Variants in LUZP2 observed in about 807,000 individuals in gnomAD.
The protein encoded by LUZP2 is leucine zipper protein 2.
Under a neutral mutation model 51.6 loss-of-function variants are expected in LUZP2, and 52 were observed. That is an observed-to-expected ratio of 1.01 (90% CI 0.81 to 1.27). The LOEUF is 1.27. Among genes scored for constraint, LUZP2 ranks in the 50% most tolerant of loss-of-function variants. The probability of loss-of-function intolerance (pLI) is 0.00; values close to 1 mark genes in which losing one functional copy is unlikely to be tolerated. For synonymous variants in LUZP2, 154 were observed against 137.3 expected, an observed-to-expected ratio of 1.12 and a Z score of -0.85; for missense variants, 436 against 395.4, an observed-to-expected ratio of 1.10 and a Z score of -0.87.
At chr11:24,891,820 T>A in intron 5 of LUZP2, 1 of 978,014 alleles carries the variant, frequency 1.0e-6, no homozygotes, top group Non-Finnish European at 1.2e-6. Flanking sequence ...CAAATTGGGA[T>A]ACGCTGCAAC....
chr11:24,718,131 T>A (rs370549194), intron 1 of LUZP2, among the ~76,000 whole-genome samples: 1 of 152,190 alleles, frequency 6.6e-6, no homozygotes, highest in African/African-American at 2.4e-5. Context: ...TATCAAAAAC[T>A]GGCTGTGGGG....
At chr11:24,951,124 C>T (rs1029848119) in intron 7 of LUZP2, among the ~76,000 whole-genome samples, 1 of 151,464 alleles carries the variant, frequency 6.6e-6, no homozygotes, top group Admixed American at 6.6e-5. Flanking sequence ...ATAAAATGTA[C>T]ATTATCTTAT....
intron 1 of LUZP2, among the ~76,000 whole-genome samples, chr11:24,538,509 CA>C (rs950703182): frequency 2.0e-5 from 3 of 151,624 alleles, no homozygotes; most frequent in Non-Finnish European, 4.4e-5. Flanking sequence ...CTAAATTGTA[CA>C]CCTTAAATAT....
intron 1 of LUZP2, among the ~76,000 whole-genome samples, chr11:24,720,649 T>C (rs1437689123): frequency 6.6e-6 from 1 of 152,076 alleles, no homozygotes; most frequent in Non-Finnish European, 1.5e-5. Context: ...TTACTGCAAG[T>C]GTTTCTGCTT....
intron 1 of LUZP2, among the ~76,000 whole-genome samples, chr11:24,642,003 C>T (rs1009928920): frequency 2.0e-5 from 3 of 151,828 alleles, no homozygotes; most frequent in African/African-American, 7.3e-5. Context: ...GATTCTCCTG[C>T]CTCAGCTTCC....
intron 4 of LUZP2, among the ~76,000 whole-genome samples, chr11:24,746,560 T>C (rs1201443112): frequency 6.6e-6 from 1 of 152,190 alleles, no homozygotes; most frequent in Non-Finnish European, 1.5e-5. Context: ...TGAATTTCCC[T>C]GTGTTCTTTG....
chr11:25,001,036 G>C (rs1856668628), intron 9 of LUZP2, among the ~76,000 whole-genome samples: 1 of 152,154 alleles, frequency 6.6e-6, no homozygotes, highest in East Asian at 1.9e-4. Context: ...TGATGGACTT[G>C]AGCTTTGAGG....
intron 9 of LUZP2, among the ~76,000 whole-genome samples, chr11:25,039,008 A>G (rs1041101908): frequency 1.3e-5 from 2 of 152,208 alleles, no homozygotes; most frequent in African/African-American, 4.8e-5. Context: ...GCATCTTTGC[A>G]TATCCTCACA....
At chr11:24,890,751 T>C (rs1852825576) in intron 5 of LUZP2, among the ~76,000 whole-genome samples, 1 of 152,158 alleles carries the variant, frequency 6.6e-6, no homozygotes, top group South Asian at 2.1e-4. Context: ...GAGTCACATG[T>C]TTAATAATGC....
intron 1 of LUZP2, among the ~76,000 whole-genome samples, chr11:24,545,129 T>A (rs558753405): frequency 2.0e-5 from 3 of 151,912 alleles, no homozygotes; most frequent in Admixed American, 1.3e-4. Context: ...TCTTTAATTT[T>A]TTTTTTCTTG....
intron 6 of LUZP2, among the ~76,000 whole-genome samples, chr11:24,912,468 A>T (rs1853663983): frequency 6.6e-6 from 1 of 152,080 alleles, no homozygotes; most frequent in African/African-American, 2.4e-5. Flanking sequence ...TTATTGTGCC[A>T]TTATAACACA....
At chr11:24,962,990 G>A (rs11028304) in intron 7 of LUZP2, among the ~76,000 whole-genome samples, 139 of 152,114 alleles carry the variant, frequency 9.1e-4, no homozygotes, top group African/African-American at 2.5e-3. Flanking sequence ...TGACAGGACC[G>A]TCAGCTGCAG....
chr11:24,518,490 T>A (rs1206775104), intron 1 of LUZP2, among the ~76,000 whole-genome samples: 1 of 152,212 alleles, frequency 6.6e-6, no homozygotes, highest in Admixed American at 6.5e-5. Context: ...AATTTCTTCC[T>A]CCTTTTTAAA....
chr11:24,729,278 A>T lies in LUZP2; in HGVS notation c.172A>T (p.Asn58Tyr). ...AAGAGAACTTGATGGAATTAAAGTC[A>T]ATCTTCAGGTGAGATGAGAACTCAT... ...TSRELDGIKV[N>Y]LQSLKNDEQS... The change falls in exon 2 of 12, where the codon AAT becomes TAT. Residue 58 changes from asparagine (N) to tyrosine (Y), a missense_variant. Physicochemically the swap from Asn to Tyr is moderately radical, Grantham distance 143. Coordinates refer to ENST00000336930, the MANE Select transcript of LUZP2 (RefSeq NM_001009909.4). 1 of 1,531,908 alleles carries T rather than the reference A, an allele frequency of 6.5e-7. No individual in the cohort carries two copies. The highest frequency in any genetic ancestry group is 1.4e-5 in the African/African-American group (1 of 72,594). 94.9% of individuals were successfully genotyped at this position (1,531,908 alleles called of 1,614,324 possible).
intron 7 of LUZP2, among the ~76,000 whole-genome samples, chr11:24,932,557 A>T (rs1171353817): frequency 2.6e-5 from 4 of 152,130 alleles, no homozygotes; most frequent in Admixed American, 2.6e-4. Flanking sequence ...CTATGCTGTC[A>T]TGCAGGCTGC....
intron 1 of LUZP2, among the ~76,000 whole-genome samples, chr11:24,565,166 T>A (rs1289776804): frequency 6.6e-6 from 1 of 152,174 alleles, no homozygotes; most frequent in Admixed American, 6.6e-5. Context: ...CAGTTGAACA[T>A]GAGGAAGGCT....
chr11:24,546,495 T>G, intron 1 of LUZP2, among the ~76,000 whole-genome samples: 1 of 152,104 alleles, frequency 6.6e-6, no homozygotes, highest in Non-Finnish European at 1.5e-5. Context: ...AAATGAATTT[T>G]ATCAAAAGCT....
intron 5 of LUZP2, among the ~76,000 whole-genome samples, chr11:24,896,872 G>T (rs1439387575): frequency 6.6e-6 from 1 of 152,202 alleles, no homozygotes; most frequent in Non-Finnish European, 1.5e-5. Context: ...TCAGCACTCT[G>T]TATCTAGCTA....
intron 2 of LUZP2, among the ~76,000 whole-genome samples, chr11:24,729,745 T>C (rs963208949): frequency 2.6e-5 from 4 of 151,918 alleles, no homozygotes; most frequent in Non-Finnish European, 4.4e-5. Flanking sequence ...CTGAAATCTT[T>C]AAAAAATTCT....
Sources: gnomAD v4.1 joint callset for allele counts (sites outside exome capture counted in the v4.1 genomes callset) on GRCh38, gnomAD v4.1.1 for gene constraint, MANE v1.5 for transcripts, NCBI Gene and HGNC (gene_info 2026-07-23, HGNC 2026-07-21) for gene names.